The following DLG2 variants were observed in gnomAD, a reference collection of about 807,000 sequenced individuals.
DLG2 encodes discs large MAGUK scaffold protein 2.
Under a neutral mutation model 132.5 loss-of-function variants are expected in DLG2, and 45 were observed. The ratio of observed to expected loss-of-function variants is 0.34; its 90% CI spans 0.27 to 0.44. DLG2 has a LOEUF of 0.44. Ranked by LOEUF, DLG2 falls within the 20% of genes least tolerant of loss-of-function variation. DLG2 has a pLI of 1.00. For missense variants in DLG2, 1,045 were observed against 1,196.9 expected (o/e 0.87, Z 1.87); for synonymous variants, 424 against 419.6 (o/e 1.01, Z -0.13).
intron 2 of DLG2, among the ~76,000 whole-genome samples, chr11:85,610,625 G>C (rs1035593850): frequency 2.0e-5 from 3 of 152,166 alleles, no homozygotes; most frequent in African/African-American, 7.2e-5. Flanking sequence ...TTCAGTATGT[G>C]GATGATTTAC....
Position 84,710,987 on chromosome 11 carries a change from C to A in DLG2, c.358-176256G>T, listed in dbSNP as rs548090385. On this transcript the variant is annotated intron_variant, in intron 6 of 27. Coordinates refer to ENST00000376104, the MANE Select transcript of DLG2 (RefSeq NM_001142699.3). ...ATATATAATGTGTTCATAAGTCTGA[C>A]AAGTACATTCATATATATATAGATA... 3.1e-5 allele frequency among the ~76,000 whole-genome samples: 4 copies of A among 129,978 alleles called. No homozygotes were observed. The South Asian group carries it at 7.2e-4, about 24-fold the overall frequency. 85.3% of individuals were successfully genotyped at this position (129,978 alleles called of 152,430 possible). A position where few individuals can be genotyped will look rare whatever the true frequency, so the allele number is the denominator to read the frequency against.
chr11:84,535,742 A>T (rs1449350574), intron 6 of DLG2, among the ~76,000 whole-genome samples: 1 of 152,136 alleles, frequency 6.6e-6, no homozygotes, highest in African/African-American at 2.4e-5. Flanking sequence ...CTACCTGGGA[A>T]AGAAGAAAGG....
Position 85,195,152 on chromosome 11 carries a change from G to A in DLG2, c.187-40501C>T, listed in dbSNP as rs898363729. 2.0e-5 allele frequency among the ~76,000 whole-genome samples: 3 copies of A among 152,140 alleles called. 1 individual carries two copies. Among genetic ancestry groups the A allele is most frequent in the Admixed American group, 1.3e-4 (2 of 15,272 alleles). On this transcript the variant is annotated intron_variant, in intron 4 of 27. Transcript: ENST00000376104. ...ACGATAGTGGCTGAGGGTGGGAGAT[G>A]GCCCCTGGAGGAACATCATAATTAG...
chr11:83,891,336 G>T (rs760544571), intron 15 of DLG2, among the ~76,000 whole-genome samples: 18 of 152,254 alleles, frequency 1.2e-4, no homozygotes, highest in South Asian at 4.1e-4. Context: ...AGCCAAAAAC[G>T]GGAGCAAGGA....
chr11:85,216,832 A>C (rs2082641053), intron 4 of DLG2, among the ~76,000 whole-genome samples: 1 of 151,942 alleles, frequency 6.6e-6, no homozygotes, highest in Non-Finnish European at 1.5e-5. Context: ...AATAGCTGGG[A>C]TTACAGGCAC....
At chr11:83,935,554 T>C (rs2081260796) in intron 14 of DLG2, among the ~76,000 whole-genome samples, 2 of 152,276 alleles carry the variant, frequency 1.3e-5, no homozygotes, top group East Asian at 3.9e-4. Flanking sequence ...TAGAGACATC[T>C]AGGGGAGGGA....
intron 6 of DLG2, among the ~76,000 whole-genome samples, chr11:85,087,349 ATTAACAC>A (rs1241703233): frequency 6.6e-6 from 1 of 152,238 alleles, no homozygotes; most frequent in African/African-American, 2.4e-5. Context: ...CTCTAAAATG[ATTAACAC>A]TTAAGTTAAA....
intron 3 of DLG2, among the ~76,000 whole-genome samples, chr11:85,359,145 CT>C (rs1164566216): frequency 1.6e-4 from 25 of 152,304 alleles, no homozygotes; most frequent in African/African-American, 5.8e-4. Context: ...ATTAAGTTGG[CT>C]TTTAACCTCA....
intron 7 of DLG2, among the ~76,000 whole-genome samples, chr11:84,391,496 C>A (rs2098792429): frequency 6.6e-6 from 1 of 152,092 alleles, no homozygotes; most frequent in South Asian, 2.1e-4. Flanking sequence ...AACAACCAGT[C>A]TTTATATTAC....
At chr11:84,917,081 C>G (rs1024730264) in intron 6 of DLG2, among the ~76,000 whole-genome samples, 2 of 152,182 alleles carry the variant, frequency 1.3e-5, no homozygotes, top group Admixed American at 6.5e-5. Context: ...ACTTAACTGT[C>G]TTATGTTCTA....
At chr11:84,676,353 G>C (rs765797773) in intron 6 of DLG2, among the ~76,000 whole-genome samples, 141 of 151,962 alleles carry the variant, frequency 9.3e-4, no homozygotes, top group Non-Finnish European at 1.7e-3. Context: ...GCTTTTAAGA[G>C]AACCTATGTT....
At chr11:84,145,906 T>C (rs1261425021) in intron 9 of DLG2, among the ~76,000 whole-genome samples, 1 of 152,164 alleles carries the variant, frequency 6.6e-6, no homozygotes, top group African/African-American at 2.4e-5. Context: ...GATGCTTACA[T>C]CTAAAGAAAA....
chr11:85,116,321 A>T (rs948959550), intron 5 of DLG2, among the ~76,000 whole-genome samples: 1 of 151,368 alleles, frequency 6.6e-6, no homozygotes, highest in Non-Finnish European at 1.5e-5. Flanking sequence ...AGAGTTAAAA[A>T]TTTTTTCAAA....
intron 6 of DLG2, among the ~76,000 whole-genome samples, chr11:84,911,601 C>A (rs1267353793): frequency 6.6e-6 from 1 of 152,036 alleles, no homozygotes; most frequent in East Asian, 1.9e-4. Context: ...CTTAAAATTG[C>A]AAGTCAAAAT....
intron 3 of DLG2, among the ~76,000 whole-genome samples, chr11:85,378,228 C>T (rs1002894960): frequency 2.6e-5 from 4 of 152,054 alleles, no homozygotes; most frequent in Non-Finnish European, 4.4e-5. Flanking sequence ...ACATCTTGAA[C>T]ATATTTCCAT....
chr11:83,543,679 G>A (rs993894090), intron 19 of DLG2, among the ~76,000 whole-genome samples: 2 of 152,086 alleles, frequency 1.3e-5, no homozygotes, highest in African/African-American at 4.8e-5. Context: ...TATATATAAA[G>A]CATGTACAAA....
chr11:83,632,966 G>A, intron 19 of DLG2: 1 of 481,640 alleles, frequency 2.1e-6, no homozygotes, highest in Non-Finnish European at 3.7e-6. Flanking sequence ...AACCTATGCT[G>A]AGCATTTTAT....
intron 14 of DLG2, among the ~76,000 whole-genome samples, chr11:83,953,485 G>A (rs557817151): frequency 1.1e-4 from 16 of 152,238 alleles, no homozygotes; most frequent in African/African-American, 2.9e-4. Flanking sequence ...AAACAGTTTC[G>A]TCTGGAAACC....
chr11:84,317,377 C>A (rs2098371784), intron 7 of DLG2: 1 of 1,375,016 alleles, frequency 7.3e-7, no homozygotes, highest in South Asian at 1.7e-5. Flanking sequence ...ACTCAACTCA[C>A]AGAGCAACTT....
Sources: allele counts gnomAD v4.1 joint callset (sites outside exome capture counted in the v4.1 genomes callset), GRCh38; gene constraint gnomAD v4.1.1; transcripts MANE v1.5; gene names NCBI Gene and HGNC (gene_info 2026-07-23, HGNC 2026-07-21).